Variants in SGCZ observed in about 807,000 individuals in gnomAD.
SGCZ encodes the protein zeta-sarcoglycan.
Under a neutral mutation model 41.3 loss-of-function variants are expected in SGCZ, and 40 were observed. That is an observed-to-expected ratio of 0.97 (90% CI 0.75 to 1.26). The LOEUF is 1.26. Ranked by LOEUF, SGCZ falls within the 50% of genes most tolerant of loss-of-function variation. SGCZ has a pLI of 0.00. For synonymous variants in SGCZ, 206 were observed against 137.5 expected (o/e 1.50, Z -3.49); for missense variants, 552 against 369.8 (o/e 1.49, Z -4.04).
chr8:14,320,990 G>C (rs1167200946), intron 3 of SGCZ, among the ~76,000 whole-genome samples: 3 of 152,036 alleles, frequency 2.0e-5, no homozygotes, highest in Non-Finnish European at 2.9e-5. Context: ...CTCCAATTAA[G>C]TGTTTTAAAA....
intron 1 of SGCZ, among the ~76,000 whole-genome samples, chr8:14,677,296 G>A (rs1563196863): frequency 6.6e-6 from 1 of 151,874 alleles, no homozygotes; most frequent in Middle Eastern, 3.2e-3. Flanking sequence ...TCTGATCAAA[G>A]AAATCAAATA....
chr8:14,559,796 T>A lies in SGCZ; in HGVS notation c.40-4870A>T, dbSNP rs147517866. Among the ~76,000 whole-genome samples, 473 of 152,206 alleles carry A rather than the reference T, an allele frequency of 3.1e-3. 4 individuals are homozygous for A. The highest frequency in any genetic ancestry group is 0.011 in the African/African-American group (456 of 41,542). ...GGAAACGCTGATAACGGTAGATAAT[T>A]CATAGCAAGTTCTCTCAGAATGTAA... On this transcript the variant is annotated intron_variant, in intron 1 of 7. Transcript: ENST00000382080.
At chr8:14,208,748 G>C (rs2217124) in intron 4 of SGCZ, among the ~76,000 whole-genome samples, 115,093 of 152,070 alleles carry the variant, frequency 0.76, 44,668 homozygotes, top group African/African-American at 0.92. Flanking sequence ...TAATAATTAA[G>C]TGGTAATTTA....
chr8:14,530,096 C>T (rs1803080114), intron 2 of SGCZ, among the ~76,000 whole-genome samples: 1 of 151,950 alleles, frequency 6.6e-6, no homozygotes, highest in Non-Finnish European at 1.5e-5. Context: ...AATATTTCCA[C>T]ATTTTCCAGT....
chr8:14,938,255 A>G (rs1457772734), intron 1 of SGCZ, among the ~76,000 whole-genome samples: 2 of 152,158 alleles, frequency 1.3e-5, no homozygotes, highest in East Asian at 3.9e-4. Context: ...AGAGGAAGAT[A>G]TGGATTCAAA....
intron 1 of SGCZ, among the ~76,000 whole-genome samples, chr8:14,735,275 T>G (rs1011492976): frequency 6.6e-6 from 1 of 152,070 alleles, no homozygotes; most frequent in Non-Finnish European, 1.5e-5. Context: ...TGTAAGGGAA[T>G]TGACAGAGGA....
intron 1 of SGCZ, among the ~76,000 whole-genome samples, chr8:14,911,774 C>T (rs1038494366): frequency 1.3e-5 from 2 of 151,824 alleles, no homozygotes; most frequent in Non-Finnish European, 2.9e-5. Flanking sequence ...CTCTTTCAAT[C>T]TATTCCTTTC....
At chr8:14,996,094 G>A (rs1351494322) in intron 1 of SGCZ, among the ~76,000 whole-genome samples, 3 of 152,024 alleles carry the variant, frequency 2.0e-5, no homozygotes, top group Admixed American at 1.3e-4. Flanking sequence ...TAGTAGAGAC[G>A]GGGTTTCACC....
intron 1 of SGCZ, among the ~76,000 whole-genome samples, chr8:14,981,243 A>C (rs897006043): frequency 1.3e-5 from 2 of 152,088 alleles, no homozygotes; most frequent in African/African-American, 4.8e-5. Context: ...TGCCCAATTA[A>C]CTCAGCTTTA....
chr8:14,856,393 G>T (rs1192192967), intron 1 of SGCZ, among the ~76,000 whole-genome samples: 1 of 152,164 alleles, frequency 6.6e-6, no homozygotes, highest in Non-Finnish European at 1.5e-5. Flanking sequence ...CAAGGAAGAA[G>T]AAGTGTACTT....
intron 1 of SGCZ, among the ~76,000 whole-genome samples, chr8:15,091,135 TA>T (rs1412814243): frequency 6.6e-6 from 1 of 152,204 alleles, no homozygotes; most frequent in Non-Finnish European, 1.5e-5. Flanking sequence ...CTTTTCTTTA[TA>T]TTTTTTTGGC....
chr8:14,144,563 A>G (rs1311069000), intron 5 of SGCZ, among the ~76,000 whole-genome samples: 1 of 152,194 alleles, frequency 6.6e-6, no homozygotes, highest in Non-Finnish European at 1.5e-5. Context: ...TGTGTTGGCT[A>G]CATGGCAAAA....
intron 1 of SGCZ, among the ~76,000 whole-genome samples, chr8:14,987,874 T>C (rs2130889246): frequency 6.6e-6 from 1 of 152,160 alleles, no homozygotes; most frequent in South Asian, 2.1e-4. Flanking sequence ...CCAGTAGTGT[T>C]TTGAAAAATT....
intron 1 of SGCZ, among the ~76,000 whole-genome samples, chr8:15,129,942 A>G (rs985382861): frequency 1.3e-5 from 2 of 152,068 alleles, no homozygotes; most frequent in African/African-American, 4.8e-5. Context: ...ATATATACAT[A>G]TACATATGTA....
intron 1 of SGCZ, among the ~76,000 whole-genome samples, chr8:14,810,805 A>T (rs984495352): frequency 6.6e-6 from 1 of 152,018 alleles, no homozygotes; most frequent in African/African-American, 2.4e-5. Context: ...TTGTTTGTTT[A>T]TTTGAAGAGA....
chr8:14,794,325 T>G (rs1022536452), intron 1 of SGCZ, among the ~76,000 whole-genome samples: 1 of 151,918 alleles, frequency 6.6e-6, no homozygotes, highest in Non-Finnish European at 1.5e-5. Context: ...AATTCAGTCA[T>G]GAATATCAAG....
intron 1 of SGCZ, among the ~76,000 whole-genome samples, chr8:14,871,075 C>T (rs531610650): frequency 1.2e-4 from 18 of 152,060 alleles, no homozygotes; most frequent in Admixed American, 3.9e-4. Flanking sequence ...GGTGTGGTGG[C>T]GCATGCCTGT....
At chr8:14,332,232 G>A (rs1394507426) in intron 2 of SGCZ, among the ~76,000 whole-genome samples, 2 of 151,966 alleles carry the variant, frequency 1.3e-5, no homozygotes, top group Non-Finnish European at 2.9e-5. Flanking sequence ...TCAGGAGATC[G>A]AGACCATCCT....
intron 2 of SGCZ, among the ~76,000 whole-genome samples, chr8:14,395,144 CT>C (rs1301972345): frequency 1.3e-5 from 2 of 152,146 alleles, no homozygotes; most frequent in African/African-American, 4.8e-5. Flanking sequence ...CTGTTCTTAG[CT>C]TTTCTCTCAT....
Sources: allele counts gnomAD v4.1 joint callset (sites outside exome capture counted in the v4.1 genomes callset), GRCh38; gene constraint gnomAD v4.1.1; transcripts MANE v1.5; gene names NCBI Gene and HGNC (gene_info 2026-07-23, HGNC 2026-07-21).